LCOR: variants seen among roughly 807,000 people sequenced by gnomAD.
LCOR encodes the protein ligand dependent nuclear receptor corepressor.
Under a neutral mutation model 64.4 loss-of-function variants are expected in LCOR, and 14 were observed. The ratio of observed to expected loss-of-function variants is 0.22; its 90% CI spans 0.14 to 0.34. The LOEUF is 0.34. Among genes scored for constraint, LCOR ranks in the 10% least tolerant of loss-of-function variants. LCOR has a pLI of 1.00. For missense variants in LCOR, 1,686 were observed against 1,765.3 expected (o/e 0.96, Z 0.80); for synonymous variants, 643 against 642.5 (o/e 1.00, Z -0.01).
intron 7 of LCOR, among the ~76,000 whole-genome samples, chr10:96,978,246 A>G (rs1428333653): frequency 1.3e-5 from 2 of 152,204 alleles, no homozygotes; most frequent in African/African-American, 4.8e-5. Context: ...AAAGTTGGAA[A>G]TGTCCTAACA....
chr10:96,964,240 C>T (rs1197476699), intron 7 of LCOR: 3 of 143,788 alleles, frequency 2.1e-5, no homozygotes, highest in African/African-American at 8.5e-5. Context: ...TGGTCCCCCC[C>T]CTTTTTTTTT....
rs77948005 is a variant in LCOR at position 96,942,610 on chromosome 10, A to G, written c.-183-1503A>G. On this transcript the variant is annotated intron_variant, in intron 4 of 7. Coordinates refer to ENST00000421806, the MANE Select transcript of LCOR (RefSeq NM_001346516.2). ...TTGAATATGCCAGTGAGTTCTTCAT[A>G]TTAAGCTTTTTACAATATATAATCC... is the stretch of plus-strand genomic sequence containing the variant. Among the ~76,000 whole-genome samples the G allele has an allele frequency of 3.0e-4, 45 of 152,322 alleles. No individual in the cohort carries two copies. The East Asian group carries it at 7.9e-3, about 27-fold the overall frequency.
intron 2 of LCOR, among the ~76,000 whole-genome samples, chr10:96,876,072 A>G (rs1378651041): frequency 6.6e-6 from 1 of 151,824 alleles, no homozygotes; most frequent in Non-Finnish European, 1.5e-5. Flanking sequence ...CCCCTATCAT[A>G]TTGTCTTAGT....
chr10:96,971,867 A>G (rs1848001994), intron 7 of LCOR, among the ~76,000 whole-genome samples: 2 of 152,258 alleles, frequency 1.3e-5, no homozygotes, highest in Admixed American at 1.3e-4. Flanking sequence ...GAGTATCTAA[A>G]TAACAGGCCT....
At chr10:96,877,598 ATTTTTTTTTTTTTTTT>A (rs57119025) in intron 2 of LCOR, among the ~76,000 whole-genome samples, 9 of 65,684 alleles carry the variant, frequency 1.4e-4, no homozygotes, top group South Asian at 1.8e-3. Flanking sequence ...ATTTTTCTGA[ATTTTTTTTTTTTTTTT>A]TTTTTTTTTT....
chr10:96,895,833 A>T (rs776539752), intron 2 of LCOR, among the ~76,000 whole-genome samples: 28 of 152,150 alleles, frequency 1.8e-4, no homozygotes, highest in Admixed American at 1.0e-3. Flanking sequence ...CTGTAATCCC[A>T]GTGTTTTGGG....
chr10:96,899,763 CTT>C (rs1280473049), intron 2 of LCOR, among the ~76,000 whole-genome samples: 1 of 152,014 alleles, frequency 6.6e-6, no homozygotes, highest in Non-Finnish European at 1.5e-5. Context: ...AGGATGCAAA[CTT>C]AGTAAAATTT....
chr10:96,895,604 G>A (rs774886492), intron 2 of LCOR, among the ~76,000 whole-genome samples: 2 of 152,154 alleles, frequency 1.3e-5, no homozygotes, highest in African/African-American at 2.4e-5. Flanking sequence ...TCTCCTCACC[G>A]TGGACTGTAT....
At chr10:96,833,290 C>T (rs910376234) in intron 1 of LCOR, 116 bp from the exon 2 acceptor site, 3 of 949,574 alleles carry the variant, frequency 3.2e-6, no homozygotes. Context: ...GGGCCGCCCT[C>T]GGGTGGCTTT....
At chr10:96,872,143 T>C (rs527832236) in intron 2 of LCOR, among the ~76,000 whole-genome samples, 2 of 152,370 alleles carry the variant, frequency 1.3e-5, no homozygotes, top group South Asian at 2.1e-4. Flanking sequence ...TACCTCTACA[T>C]AGATAGCCAT....
chr10:96,909,913 C>G (rs1274105767), intron 4 of LCOR, among the ~76,000 whole-genome samples: 1 of 151,804 alleles, frequency 6.6e-6, no homozygotes, highest in Non-Finnish European at 1.5e-5. Flanking sequence ...CTTTATTGAG[C>G]AAGCCATTTA....
At chr10:96,843,408 C>T (rs1178971259) in intron 2 of LCOR, among the ~76,000 whole-genome samples, 6 of 152,202 alleles carry the variant, frequency 3.9e-5, no homozygotes, top group East Asian at 1.9e-4. Context: ...GCTGGGATTA[C>T]AGGCATAAGT....
At chr10:96,916,445 A>C (rs576498525) in intron 4 of LCOR, among the ~76,000 whole-genome samples, 1 of 152,056 alleles carries the variant, frequency 6.6e-6, no homozygotes, top group South Asian at 2.1e-4. Flanking sequence ...AACCTGCTCA[A>C]TGTGACTTGC....
intron 4 of LCOR, among the ~76,000 whole-genome samples, chr10:96,943,007 C>A (rs1462543696): frequency 6.6e-6 from 1 of 152,066 alleles, no homozygotes; most frequent in Admixed American, 6.5e-5. Flanking sequence ...TGGTCCAGTG[C>A]TCCTGCAGTC....
chr10:96,979,076 C>G (rs1174493128), intron 7 of LCOR, among the ~76,000 whole-genome samples: 1 of 152,170 alleles, frequency 6.6e-6, no homozygotes, highest in Non-Finnish European at 1.5e-5. Context: ...CCCCACTGCT[C>G]AGAAGCCAGT....
chr10:96,905,735 T>A (rs1295707168), intron 2 of LCOR, among the ~76,000 whole-genome samples: 1 of 152,168 alleles, frequency 6.6e-6, no homozygotes, highest in Non-Finnish European at 1.5e-5. Context: ...GTAGTTTGAT[T>A]TTGTTAATGT....
rs1042057399 is a variant in LCOR at position 96,980,911 on chromosome 10, G to A, written c.451G>A (p.Asp151Asn). The A allele has an allele frequency of 5.7e-6, 4 of 702,964 alleles. No homozygotes were observed. Among genetic ancestry groups the A allele is most frequent in the Non-Finnish European group, 7.8e-6 (3 of 385,018 alleles). The allele number at this position is 702,964 out of a possible 1,614,324, so 43.5% of individuals were successfully genotyped here. Reference protein sequence around the residue: ...HQKQFIRVLNDLYTESQPGTE... With the variant: ...HQKQFIRVLNNLYTESQPGTE... ...AAAGCAATTCATTCGTGTTCTGAAC[G>A]ACCTGTACACTGAATCTCAACCAGG... is the stretch of plus-strand genomic sequence containing the variant. The change falls in exon 8 of 8, where the codon GAC becomes AAC. Residue 151 changes from aspartate (D) to asparagine (N), a missense_variant. Coordinates refer to ENST00000421806, the MANE Select transcript of LCOR (RefSeq NM_001346516.2).
At chr10:96,927,456 T>G (rs1298510395) in intron 4 of LCOR, among the ~76,000 whole-genome samples, 1 of 147,546 alleles carries the variant, frequency 6.8e-6, no homozygotes, top group Admixed American at 6.8e-5. Flanking sequence ...TGAAAAGCAG[T>G]TTTTTTTTTA....
rs1848168795 is a variant in LCOR, at chr10:96,988,609, T to C, written c.*3475T>C. 1 of 152,170 alleles carries C rather than the reference T, an allele frequency of 6.6e-6. No homozygotes were observed. The highest frequency in any genetic ancestry group is 1.5e-5 in the Non-Finnish European group (1 of 68,026). The allele number at this position is 152,170 out of a possible 1,614,324, so 9.4% of individuals were successfully genotyped here. ...TTTGGCCTCTTTTCCTGCTTTGTAATGGGTTCGGTCATGAGGGTGGGAGCT... is the reference window on the plus strand; with the variant it reads ...TTTGGCCTCTTTTCCTGCTTTGTAACGGGTTCGGTCATGAGGGTGGGAGCT... On this transcript the variant is annotated 3_prime_UTR_variant, in exon 8 of 8. Transcript: ENST00000421806.
Sources: allele counts gnomAD v4.1 joint callset (sites outside exome capture counted in the v4.1 genomes callset), GRCh38; gene constraint gnomAD v4.1.1; transcripts MANE v1.5; gene names NCBI Gene and HGNC (gene_info 2026-07-23, HGNC 2026-07-21).